Variants in MAP6 observed in about 807,000 individuals in gnomAD.
MAP6 encodes microtubule-associated protein 6.
MAP6 carries 26 observed loss-of-function variants against 42.4 expected under a neutral mutation model. That is an observed-to-expected ratio of 0.61 (90% CI 0.45 to 0.85). The LOEUF is 0.85. Among genes scored for constraint, MAP6 ranks in the 40% least tolerant of loss-of-function variants. The pLI is 0.00. For synonymous variants in MAP6, 418 were observed against 443.8 expected (o/e 0.94, Z 0.73); for missense variants, 966 against 1,099.0 (o/e 0.88, Z 1.71).
chr11:75,660,219 A>G (rs561491512), intron 1 of MAP6, among the ~76,000 whole-genome samples: 1 of 151,906 alleles, frequency 6.6e-6, no homozygotes, highest in East Asian at 1.9e-4. Flanking sequence ...AATTTTCTCT[A>G]CTCCTTTTCC....
chr11:75,589,347 C>G, intron 3 of MAP6, among the ~76,000 whole-genome samples: 1 of 152,192 alleles, frequency 6.6e-6, no homozygotes, highest in East Asian at 1.9e-4. Flanking sequence ...CAGCCTGGAG[C>G]CCTCTGGTTT....
Position 75,668,239 on chromosome 11 carries a change from G to A in MAP6, c.131C>T (p.Pro44Leu). ...SEATEHPGAP[P>L]QPPPPQQQAQ... ...CTGCTGCTGCGGCGGCGGTGGCTGC[G>A]GCGGGGCGCCCGGGTGCTCGGTGGC... The change falls in exon 1 of 4, where the codon CCG becomes CTG. Residue 44 changes from proline to leucine, a missense_variant. This residue lies in a region of MAP6 where 943 missense variants were observed against 1,049.9 expected (regional missense o/e 0.90). Coordinates refer to ENST00000304771, the MANE Select transcript of MAP6 (RefSeq NM_033063.2). The A allele has an allele frequency of 7.0e-7, 1 of 1,421,762 alleles. No individual in the cohort carries two copies. The highest frequency in any genetic ancestry group is 9.2e-7 in the Non-Finnish European group (1 of 1,089,156). 88.1% of individuals were successfully genotyped at this position (1,421,762 alleles called of 1,614,324 possible).
intron 1 of MAP6, among the ~76,000 whole-genome samples, chr11:75,641,603 C>T (rs1371825659): frequency 6.6e-6 from 1 of 152,162 alleles, no homozygotes; most frequent in Non-Finnish European, 1.5e-5. Context: ...TGGTCTGGAC[C>T]ACCTGAGAGA....
intron 1 of MAP6, among the ~76,000 whole-genome samples, chr11:75,628,220 C>T (rs1249817099): frequency 6.6e-6 from 1 of 152,188 alleles, no homozygotes; most frequent in Non-Finnish European, 1.5e-5. Context: ...AGAGGGCCAG[C>T]TGAAGTGGCA....
In MAP6 at chr11:75,667,559, TGGCCTGGACCTG is replaced by T; in HGVS notation, c.799_810del (p.Gln267_Ala270del). 7.4e-6 allele frequency: 11 copies of T among 1,479,704 alleles called. No individual in the cohort carries two copies. Among genetic ancestry groups the T allele is most frequent in the Non-Finnish European group, 9.8e-6 (11 of 1,122,814 alleles). 91.7% of individuals were successfully genotyped at this position (1,479,704 alleles called of 1,614,324 possible). On this transcript the variant is annotated inframe_deletion, in exon 1 of 4. Transcript: ENST00000304771. The surrounding 1 kb of genome is among the most constrained non-coding windows in gnomAD (Gnocchi z 5.6). Reference sequence around the variant, plus strand: ...CGCCCCCTGCCAGCCTCGGGGCCGGTGGCCTGGACCTGGGCCTGGGCCGCGGGCAGCGGCGTC... The same window carrying T: ...CGCCCCCTGCCAGCCTCGGGGCCGGTGGCCTGGGCCGCGGGCAGCGGCGTC...
chr11:75,648,575 A>C (rs146118290), intron 1 of MAP6, among the ~76,000 whole-genome samples: 14 of 152,236 alleles, frequency 9.2e-5, no homozygotes, highest in African/African-American at 3.4e-4. Flanking sequence ...GGGATAGTGA[A>C]GCATTTCTTA....
At chr11:75,635,978 T>C (rs1420130008) in intron 1 of MAP6, 2 of 152,274 alleles carry the variant, frequency 1.3e-5, no homozygotes, top group Non-Finnish European at 2.9e-5. Flanking sequence ...CATTATTTTC[T>C]CCACACTGGT....
chr11:75,608,159 G>A lies in MAP6; in HGVS notation c.1069C>T (p.Arg357Cys), dbSNP rs185425787. 25 of 1,614,132 alleles carry A rather than the reference G, an allele frequency of 1.5e-5. No individual in the cohort carries two copies. The highest frequency in any genetic ancestry group is 1.1e-4 in the African/African-American group (8 of 75,028). The change falls in exon 2 of 4, where the codon CGC becomes TGC. Residue 357 changes from arginine (R) to cysteine (C), a missense_variant. This residue lies in a region of MAP6 where 943 missense variants were observed against 1,049.9 expected (regional missense o/e 0.90). Transcript: ENST00000304771. ...PTTADNKVID[R>C]RRIRSLYSEP... The stretch of plus-strand genomic sequence containing the variant: ...CTGTAGAGGCTGCGTATTCTTCTGC[G>A]ATCAATGACCTTATTGTCAGCTGTT...
intron 1 of MAP6, among the ~76,000 whole-genome samples, chr11:75,641,657 T>C (rs1292931109): frequency 6.6e-6 from 1 of 152,172 alleles, no homozygotes; most frequent in African/African-American, 2.4e-5. Context: ...AAAATGCTGA[T>C]GAGGGTCTGG....
intron 3 of MAP6, chr11:75,597,392 T>G (rs2135577172): frequency 6.6e-6 from 1 of 152,356 alleles, no homozygotes; most frequent in Admixed American, 6.5e-5. Flanking sequence ...TTTCTAGATT[T>G]GGCCTGCTAG....
intron 2 of MAP6, chr11:75,607,127 C>T (rs767321923): frequency 1.0e-5 from 7 of 672,372 alleles, no homozygotes; most frequent in Non-Finnish European, 1.3e-5. Context: ...TCCTGGTTTG[C>T]CTGGAACTGA....
intron 1 of MAP6, among the ~76,000 whole-genome samples, chr11:75,662,416 G>C (rs1943868428): frequency 6.6e-6 from 1 of 152,174 alleles, no homozygotes; most frequent in African/African-American, 2.4e-5. Context: ...GAACATAAAA[G>C]ACTTAAATAA....
chr11:75,636,357 CT>C (rs141858669), intron 1 of MAP6, among the ~76,000 whole-genome samples: 2,411 of 152,314 alleles, frequency 0.016, 55 homozygotes, highest in African/African-American at 0.056. Flanking sequence ...TTGAAATAAT[CT>C]CTTCCTCTTA....
rs906371412 is a variant in MAP6, at chr11:75,668,740, G to C, written c.-371C>G. 5.2e-5 allele frequency: 9 copies of C among 174,358 alleles called. No individual in the cohort carries two copies. The highest frequency in any genetic ancestry group is 2.1e-4 in the African/African-American group (9 of 42,094). The allele number at this position is 174,358 out of a possible 1,614,324, so 10.8% of individuals were successfully genotyped here. On this transcript the variant is annotated 5_prime_UTR_variant, in exon 1 of 4. Transcript: ENST00000304771. ...GGCGACGTGAGGAGAGGTGGCTACA[G>C]GCTTAAGCCATGGCGCAGAGGAGGG...
At position 75,605,952 on chromosome 11, in the gene MAP6, T is replaced by G; in HGVS notation, c.1172A>C (p.His391Pro). The G allele has an allele frequency of 6.2e-7, 1 of 1,614,168 alleles. No homozygotes were observed. The highest frequency in any genetic ancestry group is 8.5e-7 in the Non-Finnish European group (1 of 1,180,040). ...SSKPKKTSAS[H>P]KPTRKAKDKQ... is the part of the protein sequence containing the mutation. Reference sequence around the variant, plus strand: ...GTCTTTGGCCTTCCTCGTGGGCTTATGGCTCGCTGAGGTCTTTTTTGGTTT... The same window carrying G: ...GTCTTTGGCCTTCCTCGTGGGCTTAGGGCTCGCTGAGGTCTTTTTTGGTTT... The change falls in exon 3 of 4, where the codon CAT (histidine) becomes CCT (proline). Residue 391 changes from histidine (H) to proline (P), a missense_variant. By Grantham distance (77) the His-to-Pro change is moderately conservative. Around this residue, in one of 2 missense-constraint regions of MAP6, gnomAD observed 943 missense variants for 1,049.9 expected, o/e 0.90. Coordinates refer to ENST00000304771, the MANE Select transcript of MAP6 (RefSeq NM_033063.2).
intron 1 of MAP6, among the ~76,000 whole-genome samples, chr11:75,614,057 C>T (rs12283710): frequency 0.017 from 2,550 of 152,292 alleles, 74 homozygotes; most frequent in African/African-American, 0.059. Flanking sequence ...TCTCTCTGTT[C>T]CTTCTCTGAC....
chr11:75,591,532 G>A (rs1942476874), intron 3 of MAP6, among the ~76,000 whole-genome samples: 1 of 152,218 alleles, frequency 6.6e-6, no homozygotes, highest in African/African-American at 2.4e-5. Flanking sequence ...CCCTCAGGGT[G>A]GAAGCTGGTT....
At chr11:75,655,412 C>T (rs547590662) in intron 1 of MAP6, among the ~76,000 whole-genome samples, 62 of 152,260 alleles carry the variant, frequency 4.1e-4, no homozygotes, top group Non-Finnish European at 5.4e-4. Flanking sequence ...GGCTGTGATT[C>T]GGTCAGAGCA....
At chr11:75,634,302 AC>A (rs1378906439) in intron 1 of MAP6, among the ~76,000 whole-genome samples, 2 of 152,166 alleles carry the variant, frequency 1.3e-5, no homozygotes, top group Non-Finnish European at 2.9e-5. Context: ...TGTTTTTGAG[AC>A]AAAGTCTCTG....
Sources: gnomAD v4.1 joint callset for allele counts (sites outside exome capture counted in the v4.1 genomes callset) on GRCh38, gnomAD v4.1.1 for gene constraint, gnomAD v4.1.1 regional missense constraint, Gnocchi (gnomAD v3.1) non-coding constraint, MANE v1.5 for transcripts, NCBI Gene and HGNC (gene_info 2026-07-23, HGNC 2026-07-21) for gene names.